Variants in CTNND2 observed in about 807,000 individuals in gnomAD.
CTNND2 encodes catenin delta 2, also known as catenin delta-2.
Under a neutral mutation model 144.4 loss-of-function variants are expected in CTNND2, and 22 were observed. The observed-to-expected ratio is 0.15, with a 90% confidence interval of 0.11 to 0.22. The LOEUF (loss-of-function observed/expected upper bound fraction) is 0.22. CTNND2 is among the 10% of genes least tolerant of loss of function. The pLI, the probability that CTNND2 is intolerant of heterozygous loss-of-function variation, is 1.00. For missense variants in CTNND2, 1,353 were observed against 1,618.8 expected (o/e 0.84, Z 2.82); for synonymous variants, 751 against 695.6 (o/e 1.08, Z -1.25).
chr5:11,778,342 C>T lies in CTNND2; in HGVS notation c.38-46070G>A, dbSNP rs1022684080. 3.9e-5 allele frequency among the ~76,000 whole-genome samples: 6 copies of T among 152,106 alleles called. No homozygotes were observed. In the East Asian group the frequency reaches 9.7e-4, roughly 25 times the overall value. On this transcript the variant is annotated intron_variant, in intron 1 of 21. Transcript: ENST00000304623. Reference sequence around the variant, plus strand: ...GGGGGCAGTGGTGCGGGGAAGAAGACAGGTGTGAGAACTAACCACCTCTTT... The same window carrying T: ...GGGGGCAGTGGTGCGGGGAAGAAGATAGGTGTGAGAACTAACCACCTCTTT...
At chr5:11,743,581 T>C (rs1401416682) in intron 1 of CTNND2, among the ~76,000 whole-genome samples, 11 of 152,146 alleles carry the variant, frequency 7.2e-5, no homozygotes, top group Admixed American at 2.0e-4. Flanking sequence ...CTTTGAGCCA[T>C]AGTCAGAACA....
chr5:11,771,872 G>T (rs1013981583), intron 1 of CTNND2, among the ~76,000 whole-genome samples: 1 of 152,140 alleles, frequency 6.6e-6, no homozygotes, highest in Non-Finnish European at 1.5e-5. Flanking sequence ...CCACGTGAGG[G>T]CTTTTGAAAC....
intron 1 of CTNND2, among the ~76,000 whole-genome samples, chr5:11,837,192 A>G (rs552589753): frequency 3.3e-5 from 5 of 152,184 alleles, no homozygotes; most frequent in Admixed American, 6.5e-5. Context: ...TATGATTCCA[A>G]TATTTACTGG....
At chr5:11,838,465 T>C (rs1794292443) in intron 1 of CTNND2, among the ~76,000 whole-genome samples, 1 of 152,180 alleles carries the variant, frequency 6.6e-6, no homozygotes, top group South Asian at 2.1e-4. Flanking sequence ...CTTAAATGAA[T>C]CCCAGCCTTT....
chr5:11,079,255 C>A (rs945511055), intron 16 of CTNND2, among the ~76,000 whole-genome samples: 1 of 152,340 alleles, frequency 6.6e-6, no homozygotes, highest in South Asian at 2.1e-4. Flanking sequence ...TCCCAGTTCC[C>A]AAGATCACCT....
chr5:11,703,162 C>G (rs1785532888), intron 2 of CTNND2, among the ~76,000 whole-genome samples: 1 of 152,152 alleles, frequency 6.6e-6, no homozygotes, highest in Non-Finnish European at 1.5e-5. Flanking sequence ...GAAGTCAATT[C>G]ATTCCAAGAA....
chr5:11,604,748 CT>C (rs1279025725), intron 2 of CTNND2, among the ~76,000 whole-genome samples: 1 of 152,186 alleles, frequency 6.6e-6, no homozygotes, highest in Non-Finnish European at 1.5e-5. Flanking sequence ...AAAAAATATT[CT>C]GTTAAAACAT....
At chr5:11,145,047 AG>A in intron 12 of CTNND2, among the ~76,000 whole-genome samples, 1 of 152,226 alleles carries the variant, frequency 6.6e-6, no homozygotes, top group South Asian at 2.1e-4. Flanking sequence ...GGAATGGGTG[AG>A]GGATGTGAGG....
chr5:11,556,862 A>G (rs9647563), intron 3 of CTNND2, among the ~76,000 whole-genome samples: 72,171 of 151,086 alleles, frequency 0.48, 18,422 homozygotes, highest in Middle Eastern at 0.63. Flanking sequence ...GGTGTAGCTA[A>G]CAACATCAAC....
At chr5:11,293,807 A>C (rs1313987774) in intron 9 of CTNND2, among the ~76,000 whole-genome samples, 1 of 144,372 alleles carries the variant, frequency 6.9e-6, no homozygotes, top group Non-Finnish European at 1.5e-5. Context: ...CATTTCTTGG[A>C]GTCTTTTTTG....
At chr5:11,050,903 C>T (rs542884079) in intron 16 of CTNND2, among the ~76,000 whole-genome samples, 11 of 152,290 alleles carry the variant, frequency 7.2e-5, no homozygotes, top group East Asian at 5.8e-4. Flanking sequence ...ATAACATCTC[C>T]GTGCTATCAG....
chr5:11,833,024 A>G (rs1419705280), intron 1 of CTNND2, among the ~76,000 whole-genome samples: 1 of 152,230 alleles, frequency 6.6e-6, no homozygotes, highest in African/African-American at 2.4e-5. Flanking sequence ...TGGAGAAAGT[A>G]GAACCCTTAT....
At chr5:11,721,687 A>G (rs1212326670) in intron 2 of CTNND2, among the ~76,000 whole-genome samples, 1 of 152,228 alleles carries the variant, frequency 6.6e-6, no homozygotes, top group Non-Finnish European at 1.5e-5. Context: ...AGGAGTTCAG[A>G]TGGTGCTGCA....
At chr5:11,310,326 C>G (rs1750664558) in intron 9 of CTNND2, among the ~76,000 whole-genome samples, 1 of 151,990 alleles carries the variant, frequency 6.6e-6, no homozygotes, top group Admixed American at 6.5e-5. Context: ...TCCTTGTTGA[C>G]TGAGAGAACT....
At chr5:11,743,310 T>C (rs1421353313) in intron 1 of CTNND2, among the ~76,000 whole-genome samples, 1 of 152,214 alleles carries the variant, frequency 6.6e-6, no homozygotes, top group Non-Finnish European at 1.5e-5. Flanking sequence ...TATGTGGCAT[T>C]TGAAATGATA....
chr5:11,154,284 C>T (rs1414506199), intron 12 of CTNND2, among the ~76,000 whole-genome samples: 1 of 152,142 alleles, frequency 6.6e-6, no homozygotes, highest in East Asian at 1.9e-4. Context: ...TAAATAAGAG[C>T]AGAACACACA....
chr5:11,678,104 G>T (rs1012414764), intron 2 of CTNND2, among the ~76,000 whole-genome samples: 1 of 152,060 alleles, frequency 6.6e-6, no homozygotes, highest in Non-Finnish European at 1.5e-5. Context: ...ACAATAAGCA[G>T]TTAAACATTA....
chr5:11,136,820 T>C (rs1471053446), intron 12 of CTNND2, among the ~76,000 whole-genome samples: 1 of 152,236 alleles, frequency 6.6e-6, no homozygotes, highest in Non-Finnish European at 1.5e-5. Context: ...TTTCACTGAG[T>C]AAAACTCAAA....
At chr5:11,133,985 T>G (rs1216951288) in intron 12 of CTNND2, among the ~76,000 whole-genome samples, 1 of 152,166 alleles carries the variant, frequency 6.6e-6, no homozygotes, top group East Asian at 1.9e-4. Flanking sequence ...GAAGGGGCTT[T>G]GCAGGTGGAA....
Sources: allele counts gnomAD v4.1 joint callset (sites outside exome capture counted in the v4.1 genomes callset), GRCh38; gene constraint gnomAD v4.1.1; transcripts MANE v1.5; gene names NCBI Gene and HGNC (gene_info 2026-07-23, HGNC 2026-07-21).